C10orf53: variants seen among roughly 807,000 people sequenced by gnomAD.
C10orf53 encodes the protein UPF0728 protein C10orf53.
A neutral mutation model predicts 9.4 loss-of-function variants in C10orf53; 8 were observed. The observed-to-expected ratio is 0.85, with a 90% CI of 0.50 to 1.53. C10orf53 has a LOEUF of 1.53. Ranked by LOEUF, C10orf53 falls within the 40% of genes most tolerant of loss-of-function variation. The pLI is 0.00. For missense variants in C10orf53, 117 were observed against 117.8 expected (o/e 0.99, Z 0.03); for synonymous variants, 48 against 46.0 (o/e 1.04, Z -0.18).
intron 1 of C10orf53, among the ~76,000 whole-genome samples, chr10:49,683,767 G>A (rs893278654): frequency 7.9e-5 from 12 of 152,030 alleles, no homozygotes; most frequent in South Asian, 4.1e-4. Flanking sequence ...GTGATGGCAC[G>A]CACCTGTAGT....
At chr10:49,701,790 G>C (rs1230651912), downstream of C10orf53, among the ~76,000 whole-genome samples, 1 of 151,766 alleles carries the variant, frequency 6.6e-6, no homozygotes, top group East Asian at 1.9e-4. Context: ...ACACTGGCTT[G>C]CTGGTCTCTC....
In C10orf53 at chr10:49,679,789, T is replaced by G; in HGVS notation, c.92T>G (p.Leu31Arg). The G allele has an allele frequency of 3.9e-6, 6 of 1,537,312 alleles. No homozygotes were observed. Among genetic ancestry groups the G allele is most frequent in the Middle Eastern group, 4.4e-4 (2 of 4,562 alleles). Residue 31 changes from leucine to arginine, a missense_variant, in exon 1 of 3, where the codon CTG becomes CGG. Leu to Arg is a moderately radical substitution (Grantham distance 102, BLOSUM62 -2). Coordinates refer to ENST00000374111, the MANE Select transcript of C10orf53 (RefSeq NM_001042427.3). ...CACCACACCTTCCGCCTGCAGGGCC[T>G]GCAAGGTGGGCCTCCTCGCCGCGTG... ...VEHHTFRLQG[L>R]QAVLAIDGHE...
chr10:49,699,901 C>T (rs945556753), downstream of C10orf53, among the ~76,000 whole-genome samples: 4 of 151,796 alleles, frequency 2.6e-5, no homozygotes, highest in Non-Finnish European at 5.9e-5. Context: ...TCATCCCCCC[C>T]GAGATCAGGT....
intron 1 of C10orf53, among the ~76,000 whole-genome samples, chr10:49,690,829 G>T (rs2132880341): frequency 6.6e-6 from 1 of 152,318 alleles, no homozygotes; most frequent in East Asian, 1.9e-4. Context: ...GCGGGGGTGT[G>T]TGTATGCCTC....
At position 49,694,274 on chromosome 10, in the gene C10orf53, CT is replaced by C. The variant is rs1436757441; in HGVS notation, c.218-263del. The C allele has an allele frequency of 3.2e-5, 19 of 593,092 alleles. No homozygotes were observed. The South Asian group carries it at 4.3e-4, about 13-fold the overall frequency. 36.7% of individuals were successfully genotyped at this position (593,092 alleles called of 1,614,324 possible). ...TATTCTATCTAGACTTGCTAAGACACTGAGTTGATATGCCAGCAGTGCATGA... is the reference window on the plus strand; with the variant it reads ...TATTCTATCTAGACTTGCTAAGACACGAGTTGATATGCCAGCAGTGCATGA... On this transcript the variant is annotated intron_variant, in intron 2 of 2. Coordinates refer to ENST00000374111, the MANE Select transcript of C10orf53 (RefSeq NM_001042427.3).
intron 2 of C10orf53, among the ~76,000 whole-genome samples, chr10:49,707,562 G>A (rs146603398): frequency 6.0e-4 from 91 of 152,254 alleles, no homozygotes; most frequent in African/African-American, 2.1e-3. Context: ...GCTGGTGATC[G>A]AGCTCCAAGA....
chr10:49,709,636 G>A (rs1232902795), exon 3 of C10orf53: 1 of 152,306 alleles, frequency 6.6e-6, no homozygotes, highest in Non-Finnish European at 1.5e-5. Flanking sequence ...TGTGGTTTCA[G>A]GAGAAAATTT....
downstream of C10orf53, among the ~76,000 whole-genome samples, chr10:49,697,893 T>C (rs912174500): frequency 6.6e-6 from 1 of 152,190 alleles, no homozygotes; most frequent in African/African-American, 2.4e-5. Flanking sequence ...ACTTTTTCCA[T>C]TTACTTCTAA....
At chr10:49,679,914 TC>T in intron 1 of C10orf53, 120 bp downstream of exon 1, 1 of 930,236 alleles carries the variant, frequency 1.1e-6, no homozygotes, top group Non-Finnish European at 1.5e-6. Context: ...CAGGAAGTCT[TC>T]CCCAGGATGA....
intron 2 of C10orf53, among the ~76,000 whole-genome samples, chr10:49,707,121 T>C (rs902581155): frequency 1.3e-5 from 2 of 150,482 alleles, no homozygotes; most frequent in Non-Finnish European, 3.0e-5. Flanking sequence ...GATCTAGCCT[T>C]GGTCACCTGC....
downstream of C10orf53, among the ~76,000 whole-genome samples, chr10:49,699,065 G>C (rs1424646848): frequency 1.3e-5 from 2 of 151,844 alleles, no homozygotes; most frequent in South Asian, 4.2e-4. Flanking sequence ...TTAAAATGTT[G>C]GTTCAATTTT....
intron 2 of C10orf53, among the ~76,000 whole-genome samples, chr10:49,704,519 T>C (rs1840708899): frequency 6.6e-6 from 1 of 152,128 alleles, no homozygotes; most frequent in Admixed American, 6.5e-5. Flanking sequence ...GGTGGATGGA[T>C]CACTTGAGGT....
At chr10:49,707,880 A>T (rs1308451638) in intron 2 of C10orf53, among the ~76,000 whole-genome samples, 1 of 152,158 alleles carries the variant, frequency 6.6e-6, no homozygotes, top group African/African-American at 2.4e-5. Flanking sequence ...AGAAATGAAA[A>T]AAAAAAACCC....
intron 1 of C10orf53, among the ~76,000 whole-genome samples, chr10:49,680,759 A>G (rs1840471696): frequency 6.6e-6 from 1 of 152,162 alleles, no homozygotes; most frequent in Non-Finnish European, 1.5e-5. Flanking sequence ...AGTGAAAGCA[A>G]TGGTACTTCC....
At chr10:49,693,920 C>T (rs1840610009) in intron 2 of C10orf53, 27 bp downstream of exon 2, 1 of 1,614,154 alleles carries the variant, frequency 6.2e-7, no homozygotes, top group East Asian at 2.2e-5. Flanking sequence ...TGCTTCCAGC[C>T]AGCAATTTGC....
At chr10:49,698,247 AC>A (rs1484676096), downstream of C10orf53, among the ~76,000 whole-genome samples, 1 of 152,188 alleles carries the variant, frequency 6.6e-6, no homozygotes, top group Non-Finnish European at 1.5e-5. Context: ...CTACAATCAC[AC>A]CACTGCACTC....
chr10:49,687,375 GC>G (rs1318240902), intron 1 of C10orf53, among the ~76,000 whole-genome samples: 1 of 152,210 alleles, frequency 6.6e-6, no homozygotes, highest in Non-Finnish European at 1.5e-5. Flanking sequence ...AATCATGTCA[GC>G]TTTAGTTGTC....
chr10:49,699,687 G>A (rs1178414568), downstream of C10orf53, among the ~76,000 whole-genome samples: 1 of 152,042 alleles, frequency 6.6e-6, no homozygotes, highest in Admixed American at 6.6e-5. Flanking sequence ...TTCCCAGAAG[G>A]CCCCTGGCTC....
At chr10:49,681,805 C>T (rs1174052976) in intron 1 of C10orf53, among the ~76,000 whole-genome samples, 1 of 152,154 alleles carries the variant, frequency 6.6e-6, no homozygotes, top group Non-Finnish European at 1.5e-5. Flanking sequence ...CTAATCCTAT[C>T]AGATTGGGTC....
Sources: allele counts gnomAD v4.1 joint callset (sites outside exome capture counted in the v4.1 genomes callset), GRCh38; gene constraint gnomAD v4.1.1; transcripts MANE v1.5; gene names NCBI Gene and HGNC (gene_info 2026-07-23, HGNC 2026-07-21).